The following TMPRSS4 variants were observed in gnomAD, a reference collection of about 807,000 sequenced individuals.
The protein encoded by TMPRSS4 is transmembrane serine protease 4.
TMPRSS4 carries 45 observed loss-of-function variants against 56.4 expected under a neutral mutation model. That is an observed-to-expected ratio of 0.80 (90% CI 0.63 to 1.02). The LOEUF (loss-of-function observed/expected upper bound fraction) is 1.02, where lower values mean the gene tolerates loss of function less well. TMPRSS4 is among the 50% of genes least tolerant of loss of function. The pLI, the probability that TMPRSS4 is intolerant of heterozygous loss-of-function variation, is 0.00. For synonymous variants in TMPRSS4, 205 were observed against 211.0 expected (o/e 0.97, Z 0.25); for missense variants, 546 against 556.7 (o/e 0.98, Z 0.19).
intron 3 of TMPRSS4, 47 bp from the exon 4 acceptor site, chr11:118,103,054 A>G (rs1312836964): frequency 6.2e-7 from 1 of 1,607,510 alleles, no homozygotes; most frequent in Non-Finnish European, 8.5e-7. Context: ...TCCCTGCTCA[A>G]GCCTGACCCT....
intron 1 of TMPRSS4, among the ~76,000 whole-genome samples, chr11:118,085,549 G>A (rs899551322): frequency 2.0e-5 from 3 of 152,148 alleles, no homozygotes; most frequent in South Asian, 2.1e-4. Flanking sequence ...AAGTGAGTAC[G>A]ATTCTTGAAA....
chr11:118,088,402 G>A (rs959658228), intron 1 of TMPRSS4: 1 of 152,016 alleles, frequency 6.6e-6, no homozygotes, highest in Non-Finnish European at 1.5e-5. Flanking sequence ...TTCCTCTGCC[G>A]GTGACAAACC....
At chr11:118,123,767 G>A (rs376395840), downstream of TMPRSS4, among the ~76,000 whole-genome samples, 26 of 152,018 alleles carry the variant, frequency 1.7e-4, no homozygotes, top group Non-Finnish European at 1.2e-4. Context: ...CTCGTGATCC[G>A]CCCGCCTCAG....
At chr11:118,102,993 C>A in intron 3 of TMPRSS4, 108 bp from the exon 4 acceptor site, 1 of 1,448,280 alleles carries the variant, frequency 6.9e-7, no homozygotes. Flanking sequence ...GCCTGGAACT[C>A]ACACATGCGT....
At chr11:118,103,376 C>CTTTGTTTGTTTG (rs11272932) in intron 4 of TMPRSS4, 123 bp downstream of exon 4, 532,737 of 981,222 alleles carry the variant, frequency 0.54, 160,301 homozygotes, top group Middle Eastern at 0.61. Context: ...GTATAAGGTT[C>CTTTGTTTGTTTG]TTTGTTTGTT....
chr11:118,093,406 C>T (rs1946090225), intron 1 of TMPRSS4, among the ~76,000 whole-genome samples: 1 of 152,192 alleles, frequency 6.6e-6, no homozygotes, highest in African/African-American at 2.4e-5. Context: ...CAGGCGAGTC[C>T]CTGGGTGGAG....
In TMPRSS4 at chr11:118,113,400, C is replaced by A. The variant is rs779978987; in HGVS notation, c.875C>A (p.Ala292Asp). Residue 292 changes from alanine (A) to aspartate (D), a missense_variant, in exon 9 of 13, where the codon GCC becomes GAC. By Grantham distance (126) the Ala-to-Asp change is moderately radical. Coordinates refer to ENST00000437212, the MANE Select transcript of TMPRSS4 (RefSeq NM_019894.4). The stretch of plus-strand genomic sequence containing the variant: ...ATGTACCCCAAAGACAATGACATCG[C>A]CCTCATGAAGCTGCAGTTCCCACTC... The part of the protein sequence containing the change: ...NPMYPKDNDI[A>D]LMKLQFPLTF... 1 of 1,614,000 alleles carries A rather than the reference C, an allele frequency of 6.2e-7. No individual in the cohort carries two copies.
intron 1 of TMPRSS4, among the ~76,000 whole-genome samples, chr11:118,079,128 A>C (rs1397621277): frequency 6.6e-6 from 1 of 152,128 alleles, no homozygotes. Context: ...AGGCAGCAGC[A>C]TGGCCAATCT....
chr11:118,111,259 G>A (rs1199582500), intron 7 of TMPRSS4, among the ~76,000 whole-genome samples: 1 of 152,222 alleles, frequency 6.6e-6, no homozygotes, highest in African/African-American at 2.4e-5. Flanking sequence ...AAGACAGGAT[G>A]TCAGATTGAG....
intron 1 of TMPRSS4, among the ~76,000 whole-genome samples, chr11:118,094,390 A>T (rs1080619): frequency 6.6e-6 from 1 of 152,068 alleles, no homozygotes; most frequent in South Asian, 2.1e-4. Flanking sequence ...CCTGATAAGT[A>T]ATGATATTAA....
rs1215981914 is a variant in TMPRSS4, at chr11:118,115,282, T to C, written c.1152+2T>C. The C allele has an allele frequency of 6.2e-7, 1 of 1,611,290 alleles. No individual in the cohort carries two copies. The highest frequency in any genetic ancestry group is 1.1e-5 in the South Asian group (1 of 90,056). On this transcript the variant is annotated splice_donor_variant, in intron 11 of 12. Coordinates refer to ENST00000437212, the MANE Select transcript of TMPRSS4 (RefSeq NM_019894.4). LOFTEE classifies it high-confidence loss of function. ...GAAGGGGGTGTGGACACCTGCCAGG[T>C]GGGGCCTCCAAGAATCATGGGGAGT...
intron 1 of TMPRSS4, among the ~76,000 whole-genome samples, chr11:118,082,013 C>T (rs939148935): frequency 1.3e-5 from 2 of 152,222 alleles, no homozygotes; most frequent in Admixed American, 1.3e-4. Flanking sequence ...CATCTCCACC[C>T]TGACATCACT....
At chr11:118,117,791 T>G in intron 12 of TMPRSS4, 111 bp from the exon 13 acceptor site, 1 of 1,602,790 alleles carries the variant, frequency 6.2e-7, no homozygotes, top group Non-Finnish European at 8.5e-7. Flanking sequence ...CTCTGCAGGG[T>G]AGGGAGAGAA....
At chr11:118,117,751 G>C (rs999322246) in intron 12 of TMPRSS4, 151 bp from the exon 13 acceptor site, 6 of 1,528,656 alleles carry the variant, frequency 3.9e-6, no homozygotes, top group Non-Finnish European at 4.4e-6. Flanking sequence ...ATAAGGAAGA[G>C]AGTGGAAAGG....
In TMPRSS4 at chr11:118,118,133, G is replaced by A. The variant is rs1947661146; in HGVS notation, c.*220G>A. On this transcript the variant is annotated 3_prime_UTR_variant, in exon 13 of 13. Coordinates refer to ENST00000437212, the MANE Select transcript of TMPRSS4 (RefSeq NM_019894.4). Reference sequence around the variant, plus strand: ...CAGCAGCCCTAGCTCGGCCACACTTGGTGCTCCCAGCATCCCAGGGAGAGA... The same window carrying A: ...CAGCAGCCCTAGCTCGGCCACACTTAGTGCTCCCAGCATCCCAGGGAGAGA... The A allele has an allele frequency of 7.0e-7, 1 of 1,421,366 alleles. No individual in the cohort carries two copies. Among genetic ancestry groups the A allele is most frequent in the Non-Finnish European group, 9.2e-7 (1 of 1,092,304 alleles). The allele number at this position is 1,421,366 out of a possible 1,614,324, so 88.0% of individuals were successfully genotyped here.
chr11:118,087,836 T>C (rs191158005), intron 1 of TMPRSS4: 2 of 152,304 alleles, frequency 1.3e-5, no homozygotes, highest in East Asian at 1.9e-4. Flanking sequence ...GGTGGGAACT[T>C]ATGGAAGAAA....
chr11:118,103,664 G>A (rs931111981), intron 4 of TMPRSS4, among the ~76,000 whole-genome samples: 1 of 152,236 alleles, frequency 6.6e-6, no homozygotes, highest in African/African-American at 2.4e-5. Context: ...TTACAGGCGT[G>A]AGCCACCGTG....
At chr11:118,103,309 G>GC (rs368790634) in intron 4 of TMPRSS4, 56 bp downstream of exon 4, 25 of 1,580,604 alleles carry the variant, frequency 1.6e-5, no homozygotes, top group African/African-American at 1.5e-4. Flanking sequence ...GTCTGCTCAG[G>GC]CCCCCACGGC....
At chr11:118,078,756 C>A (rs981832098) in intron 1 of TMPRSS4, among the ~76,000 whole-genome samples, 1 of 152,162 alleles carries the variant, frequency 6.6e-6, no homozygotes, top group African/African-American at 2.4e-5. Context: ...ACTGCAGAAT[C>A]AGAAGGCTGA....
Sources: allele counts gnomAD v4.1 joint callset (sites outside exome capture counted in the v4.1 genomes callset), GRCh38; gene constraint gnomAD v4.1.1; transcripts MANE v1.5; gene names NCBI Gene and HGNC (gene_info 2026-07-23, HGNC 2026-07-21).